The following GRID2 variants were observed in gnomAD, a reference collection of about 807,000 sequenced individuals.
GRID2 encodes the protein glutamate receptor ionotropic, delta-2.
Under a neutral mutation model 114.8 loss-of-function variants are expected in GRID2, and 33 were observed. That is an observed-to-expected ratio of 0.29 (90% CI 0.22 to 0.38). The LOEUF is 0.38. Ranked by LOEUF, GRID2 falls within the 10% of genes least tolerant of loss-of-function variation. The pLI is 1.00. For synonymous variants in GRID2, 505 were observed against 449.9 expected, an observed-to-expected ratio of 1.12 and a Z score of -1.55; for missense variants, 1,184 against 1,257.7, an observed-to-expected ratio of 0.94 and a Z score of 0.89.
chr4:93,763,679 T>G (rs1015663571), intron 14 of GRID2, among the ~76,000 whole-genome samples: 3 of 152,196 alleles, frequency 2.0e-5, no homozygotes, highest in Non-Finnish European at 2.9e-5. Flanking sequence ...AAAAGTCATT[T>G]AAACTCTACA....
intron 2 of GRID2, among the ~76,000 whole-genome samples, chr4:92,904,044 A>T (rs1259180668): frequency 6.6e-6 from 1 of 151,894 alleles, no homozygotes; most frequent in Admixed American, 6.6e-5. Flanking sequence ...ATAGTACTAT[A>T]TTCTGTCTGT....
intron 1 of GRID2, among the ~76,000 whole-genome samples, chr4:92,326,054 T>G (rs748797892): frequency 3.3e-5 from 5 of 151,788 alleles, no homozygotes; most frequent in Admixed American, 6.6e-5. Flanking sequence ...TAGAGGGAGA[T>G]AGAAGTTACA....
chr4:93,701,061 G>C (rs1384816385), intron 14 of GRID2, among the ~76,000 whole-genome samples: 1 of 152,072 alleles, frequency 6.6e-6, no homozygotes, highest in African/African-American at 2.4e-5. Flanking sequence ...TTGACATTCA[G>C]ATATAGACTT....
intron 15 of GRID2, 45 bp downstream of exon 15, chr4:93,769,495 G>A: frequency 1.2e-6 from 2 of 1,602,682 alleles, no homozygotes; most frequent in Non-Finnish European, 1.7e-6. Context: ...CAACAAGCAG[G>A]CTGTATTTCC....
intron 14 of GRID2, among the ~76,000 whole-genome samples, chr4:93,653,812 C>G (rs1218797880): frequency 6.6e-6 from 1 of 151,958 alleles, no homozygotes; most frequent in African/African-American, 2.4e-5. Context: ...ACATAGTCAG[C>G]GTGTCTGATT....
chr4:93,068,987 T>C (rs1728564864), intron 2 of GRID2, among the ~76,000 whole-genome samples: 1 of 151,742 alleles, frequency 6.6e-6, no homozygotes. Flanking sequence ...AGCAGGCACA[T>C]CACATGGCCA....
intron 3 of GRID2, among the ~76,000 whole-genome samples, chr4:93,096,268 G>A (rs1412846393): frequency 6.6e-6 from 1 of 151,918 alleles, no homozygotes; most frequent in East Asian, 1.9e-4. Context: ...AACTCTTTTA[G>A]AGGAAAACAT....
intron 4 of GRID2, among the ~76,000 whole-genome samples, chr4:93,207,064 G>A (rs1440886270): frequency 6.6e-6 from 1 of 151,970 alleles, no homozygotes; most frequent in African/African-American, 2.4e-5. Context: ...ATTTCGAGTA[G>A]GGAATGTGAT....
At position 92,911,186 on chromosome 4, in the gene GRID2, G is replaced by A. The variant is rs114039162; in HGVS notation, c.245-173809G>A. Among the ~76,000 whole-genome samples, 758 of 151,994 alleles carry A rather than the reference G, an allele frequency of 5.0e-3. 2 individuals carry two copies. The highest frequency in any genetic ancestry group is 0.017 in the African/African-American group (723 of 41,496). On this transcript the variant is annotated intron_variant, in intron 2 of 15. Coordinates refer to ENST00000282020, the MANE Select transcript of GRID2 (RefSeq NM_001510.4). ...TGCCGAACAGTGCTAACTAGATGAA[G>A]TATTCATTTATTGTTTTTTGGAAAG...
chr4:92,640,039 C>CT (rs1731267978), intron 2 of GRID2, among the ~76,000 whole-genome samples: 1 of 151,734 alleles, frequency 6.6e-6, no homozygotes, highest in African/African-American at 2.4e-5. Flanking sequence ...TGCAGAGTAC[C>CT]TGGCAATGGC....
At chr4:93,108,795 T>C (rs1351553746) in intron 3 of GRID2, among the ~76,000 whole-genome samples, 1 of 152,002 alleles carries the variant, frequency 6.6e-6, no homozygotes, top group Non-Finnish European at 1.5e-5. Flanking sequence ...CACGCCTGAC[T>C]AATTTTCGTA....
chr4:92,977,682 C>T (rs1177484033), intron 2 of GRID2, among the ~76,000 whole-genome samples: 3 of 152,062 alleles, frequency 2.0e-5, no homozygotes, highest in Non-Finnish European at 4.4e-5. Context: ...GAAATTAAGA[C>T]TTGGACTATG....
intron 2 of GRID2, among the ~76,000 whole-genome samples, chr4:92,931,879 C>A (rs988089720): frequency 6.6e-6 from 1 of 150,834 alleles, no homozygotes; most frequent in African/African-American, 2.4e-5. Context: ...AAAAAGAAGG[C>A]CTTTTTAATA....
At chr4:93,293,202 T>G (rs956389215) in intron 8 of GRID2, among the ~76,000 whole-genome samples, 2 of 152,070 alleles carry the variant, frequency 1.3e-5, no homozygotes, top group Non-Finnish European at 2.9e-5. Context: ...AGGTAAAATA[T>G]TCATTCAATT....
intron 13 of GRID2, among the ~76,000 whole-genome samples, chr4:93,583,886 T>C (rs567841023): frequency 1.3e-5 from 2 of 152,202 alleles, no homozygotes; most frequent in Admixed American, 6.5e-5. Context: ...CAACTAGAAC[T>C]TCAAAAGTTT....
At chr4:92,963,882 C>A (rs1280138124) in intron 2 of GRID2, among the ~76,000 whole-genome samples, 1 of 152,002 alleles carries the variant, frequency 6.6e-6, no homozygotes, top group Non-Finnish European at 1.5e-5. Flanking sequence ...CCATAGGCTG[C>A]AGAATGGATG....
chr4:93,531,895 T>A, intron 13 of GRID2, among the ~76,000 whole-genome samples: 1 of 152,172 alleles, frequency 6.6e-6, no homozygotes, highest in Non-Finnish European at 1.5e-5. Flanking sequence ...GTTACAATTT[T>A]ACCACATTTT....
intron 8 of GRID2, among the ~76,000 whole-genome samples, chr4:93,364,882 T>G (rs1021563278): frequency 6.6e-6 from 1 of 152,202 alleles, no homozygotes; most frequent in African/African-American, 2.4e-5. Flanking sequence ...CTTGAGAGTT[T>G]TAAAAGTTCA....
chr4:93,764,513 C>T (rs897224633), intron 14 of GRID2, among the ~76,000 whole-genome samples: 8 of 152,074 alleles, frequency 5.3e-5, no homozygotes, highest in Non-Finnish European at 7.4e-5. Flanking sequence ...AATAGCCTTC[C>T]GCGTGCCAGG....
Sources: allele counts gnomAD v4.1 joint callset (sites outside exome capture counted in the v4.1 genomes callset), GRCh38; gene constraint gnomAD v4.1.1; transcripts MANE v1.5; gene names NCBI Gene and HGNC (gene_info 2026-07-23, HGNC 2026-07-21).